The following PEAK1 variants were observed in gnomAD, a reference collection of about 807,000 sequenced individuals.
PEAK1 encodes the protein inactive tyrosine-protein kinase PEAK1.
A neutral mutation model predicts 124.7 loss-of-function variants in PEAK1; 54 were observed. The ratio of observed to expected loss-of-function variants is 0.43; its 90% confidence interval spans 0.35 to 0.54. The LOEUF (loss-of-function observed/expected upper bound fraction) is 0.54. PEAK1 is among the 20% of genes least tolerant of loss of function. The pLI, the probability that PEAK1 is intolerant of heterozygous loss-of-function variation, is 0.01. For missense variants in PEAK1, 2,046 were observed against 2,134.5 expected (o/e 0.96, Z 0.82); for synonymous variants, 719 against 760.0 (o/e 0.95, Z 0.89).
intron 6 of PEAK1, among the ~76,000 whole-genome samples, chr15:77,183,847 A>T (rs1567086664): frequency 6.6e-6 from 1 of 151,944 alleles, no homozygotes; most frequent in Non-Finnish European, 1.5e-5. Flanking sequence ...TTTTTTTTTG[A>T]GACAGGATCT....
At chr15:77,355,524 G>T (rs558345092) in intron 2 of PEAK1, among the ~76,000 whole-genome samples, 1 of 152,210 alleles carries the variant, frequency 6.6e-6, no homozygotes, top group Admixed American at 6.5e-5. Flanking sequence ...TTTTGGCCCC[G>T]CCTACTCAAA....
chr15:77,242,688 T>C (rs918351730), intron 6 of PEAK1, among the ~76,000 whole-genome samples: 1 of 152,198 alleles, frequency 6.6e-6, no homozygotes, highest in East Asian at 1.9e-4. Context: ...AGGCAGTAGT[T>C]GCAGGTATGG....
intron 2 of PEAK1, chr15:77,348,508 C>A: frequency 3.1e-6 from 3 of 962,108 alleles, no homozygotes; most frequent in Non-Finnish European, 3.7e-6. Flanking sequence ...GTTGAATATA[C>A]AGGCCAAACT....
intron 6 of PEAK1, among the ~76,000 whole-genome samples, chr15:77,201,597 G>A (rs2058369290): frequency 6.6e-6 from 1 of 151,984 alleles, no homozygotes; most frequent in South Asian, 2.1e-4. Context: ...GGCCAAAGTG[G>A]CTAATCAAGA....
At chr15:77,253,733 T>G (rs1432471693) in intron 5 of PEAK1, among the ~76,000 whole-genome samples, 1 of 152,212 alleles carries the variant, frequency 6.6e-6, no homozygotes, top group Non-Finnish European at 1.5e-5. Context: ...ATTTTTCTGA[T>G]AAGTCAGCTG....
intron 6 of PEAK1, among the ~76,000 whole-genome samples, chr15:77,226,044 G>GAT (rs1157824212): frequency 0.067 from 2,979 of 44,364 alleles, 50 homozygotes; most frequent in Middle Eastern, 0.13. Flanking sequence ...AAAATAAAGG[G>GAT]ATATATATAT....
intron 1 of PEAK1, chr15:77,402,125 G>T: frequency 1.1e-6 from 1 of 927,160 alleles, no homozygotes; most frequent in South Asian, 5.0e-5. Context: ...TTTCAACCCG[G>T]GAGGCAGAGG....
intron 2 of PEAK1, among the ~76,000 whole-genome samples, chr15:77,309,891 A>G (rs939772083): frequency 6.6e-6 from 1 of 152,198 alleles, no homozygotes; most frequent in Non-Finnish European, 1.5e-5. Context: ...CAGGACAATA[A>G]AAGAACCTTA....
At chr15:77,290,548 C>A (rs2063160823) in intron 2 of PEAK1, among the ~76,000 whole-genome samples, 1 of 152,102 alleles carries the variant, frequency 6.6e-6, no homozygotes, top group African/African-American at 2.4e-5. Context: ...CCACCTTGCC[C>A]AGCTTCTTCT....
At chr15:77,246,019 T>A (rs1296175679) in intron 6 of PEAK1, among the ~76,000 whole-genome samples, 1 of 152,058 alleles carries the variant, frequency 6.6e-6, no homozygotes, top group Non-Finnish European at 1.5e-5. Context: ...TAGACTTTTT[T>A]TTTTTTTTGA....
intron 6 of PEAK1, among the ~76,000 whole-genome samples, chr15:77,244,654 T>G (rs762921784): frequency 2.0e-5 from 3 of 152,044 alleles, no homozygotes; most frequent in Non-Finnish European, 4.4e-5. Flanking sequence ...AGTGGCACAA[T>G]CTCGGCTCGC....
intron 6 of PEAK1, among the ~76,000 whole-genome samples, chr15:77,218,734 C>A (rs950725478): frequency 1.3e-5 from 2 of 152,074 alleles, no homozygotes; most frequent in Non-Finnish European, 2.9e-5. Flanking sequence ...TGGCACACAC[C>A]ACTGCACTCA....
intron 7 of PEAK1, among the ~76,000 whole-genome samples, chr15:77,169,954 T>G (rs975501068): frequency 2.0e-5 from 3 of 152,102 alleles, no homozygotes; most frequent in African/African-American, 7.2e-5. Flanking sequence ...AGTGGAGATA[T>G]CAAGTGGAAA....
chr15:77,200,060 TTTCC>T (rs2058288700), intron 6 of PEAK1, among the ~76,000 whole-genome samples: 1 of 152,212 alleles, frequency 6.6e-6, no homozygotes, highest in African/African-American at 2.4e-5. Flanking sequence ...TGGGCCTATC[TTTCC>T]TGCCTATTTC....
At chr15:77,198,464 C>A (rs539564925) in intron 6 of PEAK1, among the ~76,000 whole-genome samples, 85 of 152,242 alleles carry the variant, frequency 5.6e-4, no homozygotes, top group Non-Finnish European at 2.9e-4. Flanking sequence ...TTGTTATGTA[C>A]TGTAGTTTGA....
intron 2 of PEAK1, among the ~76,000 whole-genome samples, chr15:77,345,385 T>G (rs1286056416): frequency 6.6e-6 from 1 of 152,214 alleles, no homozygotes; most frequent in Non-Finnish European, 1.5e-5. Context: ...CCATTTTGCA[T>G]AGTTTCTCTT....
chr15:77,333,640 T>A (rs914780389), intron 2 of PEAK1: 2 of 970,648 alleles, frequency 2.1e-6, no homozygotes, highest in African/African-American at 1.8e-5. Context: ...ACTCTAGTTT[T>A]ATATTCTTGT....
intron 8 of PEAK1, among the ~76,000 whole-genome samples, chr15:77,142,511 G>A (rs1015978168): frequency 1.3e-5 from 2 of 152,144 alleles, no homozygotes; most frequent in African/African-American, 2.4e-5. Flanking sequence ...ATATGCAAAT[G>A]TTCATAAGCA....
intron 1 of PEAK1, among the ~76,000 whole-genome samples, chr15:77,373,654 G>C (rs771342340): frequency 4.6e-5 from 7 of 152,140 alleles, no homozygotes. Flanking sequence ...AGGATGAAGG[G>C]GTTCTTCAAG....
Sources: gnomAD v4.1 joint callset for allele counts (sites outside exome capture counted in the v4.1 genomes callset) on GRCh38, gnomAD v4.1.1 for gene constraint, MANE v1.5 for transcripts, NCBI Gene and HGNC (gene_info 2026-07-23, HGNC 2026-07-21) for gene names.